Variants in DIPK2B observed in about 807,000 individuals in gnomAD.
DIPK2B encodes the protein UPF0672 protein CXorf36.
Under a neutral mutation model 22.2 loss-of-function variants are expected in DIPK2B, and 15 were observed. That is an observed-to-expected ratio of 0.68 (90% CI 0.45 to 1.04). The LOEUF is 1.04. Among genes scored for constraint, DIPK2B ranks in the 50% least tolerant of loss-of-function variants. DIPK2B has a pLI of 0.00. For synonymous variants in DIPK2B, 163 were observed against 153.2 expected (o/e 1.06, Z -0.47); for missense variants, 345 against 348.3 (o/e 0.99, Z 0.08).
intron 2 of DIPK2B, among the ~76,000 whole-genome samples, chrX:45,160,766 T>C (rs1301414599): frequency 8.9e-6 from 1 of 111,884 alleles, no homozygotes; most frequent in Non-Finnish European, 1.9e-5. Context: ...GGAATTTTGA[T>C]TTTATCTAGA....
chrX:45,151,775 G>T lies in DIPK2B; in HGVS notation c.1179C>A (p.Ile393=), dbSNP rs749891946. 8.3e-7 allele frequency: 1 copy of T among 1,210,383 alleles called. No individual in the cohort carries two copies. Among genetic ancestry groups the T allele is most frequent in the African/African-American group, 1.7e-5 (1 of 57,370 alleles). ...DSILVQCGDS[I]RPDPEVLGAA... is the part of the protein sequence containing the mutation. ...CCCCAAGGACTTCTGGGTCTGGGCGGATGCTGTCCCCACACTGAACAAGGA... is the reference window on the plus strand; with the variant it reads ...CCCCAAGGACTTCTGGGTCTGGGCGTATGCTGTCCCCACACTGAACAAGGA... The change falls in exon 5 of 5, where the codon ATC becomes ATA. Residue 393 remains isoleucine (I), a synonymous_variant. Transcript: ENST00000398000.
chrX:45,170,051 C>T (rs2047070998), intron 2 of DIPK2B, among the ~76,000 whole-genome samples: 1 of 109,688 alleles, frequency 9.1e-6, no homozygotes, highest in African/African-American at 3.3e-5. Context: ...TGAAACCAGC[C>T]TGGTCAACAT....
At chrX:45,200,256 T>C (rs757239661) in intron 1 of DIPK2B, among the ~76,000 whole-genome samples, 1 of 111,535 alleles carries the variant, frequency 9.0e-6, no homozygotes, top group South Asian at 3.8e-4. Context: ...TTAAAATAGG[T>C]GTCACATTGT....
intron 3 of DIPK2B, among the ~76,000 whole-genome samples, chrX:45,154,901 C>G (rs762272319): frequency 1.8e-5 from 2 of 111,273 alleles, no homozygotes; most frequent in Admixed American, 9.6e-5. Flanking sequence ...CCTCAAACTC[C>G]TATGCTCAAG....
At chrX:45,169,254 TA>T (rs1395698377) in intron 2 of DIPK2B, among the ~76,000 whole-genome samples, 3 of 111,853 alleles carry the variant, frequency 2.7e-5, no homozygotes, top group Non-Finnish European at 5.6e-5. Flanking sequence ...CAGTGTCTGG[TA>T]CATGGGAAGG....
intron 3 of DIPK2B, 115 bp downstream of exon 3, chrX:45,157,600 A>G: frequency 1.3e-6 from 1 of 781,666 alleles, no homozygotes; most frequent in Non-Finnish European, 1.8e-6. Flanking sequence ...AGGTCCTAAC[A>G]CGGGCTAGTG....
intron 4 of DIPK2B, 98 bp downstream of exon 4, chrX:45,153,812 G>A (rs2046974744): frequency 2.8e-6 from 2 of 704,151 alleles, no homozygotes; most frequent in East Asian, 3.5e-5. Context: ...TGCAGAGATG[G>A]GAAAGGCCCA....
At chrX:45,185,855 T>C (rs1432657405) in intron 2 of DIPK2B, among the ~76,000 whole-genome samples, 3 of 110,271 alleles carry the variant, frequency 2.7e-5, no homozygotes, top group African/African-American at 9.9e-5. Flanking sequence ...AGTTTCACCA[T>C]GTTAGCCAGG....
chrX:45,163,181 GA>G, intron 2 of DIPK2B: 1 of 202,959 alleles, frequency 4.9e-6, no homozygotes, highest in Non-Finnish European at 7.4e-6. Context: ...AACAAAAACA[GA>G]TTTTTTTAAG....
At chrX:45,152,019 C>A in intron 4 of DIPK2B, 27 bp from the exon 5 acceptor site, 10 of 1,118,881 alleles carry the variant, frequency 8.9e-6, no homozygotes, top group Non-Finnish European at 1.2e-5. Context: ...AAGTATTACA[C>A]ACCCTGCCAC....
intron 2 of DIPK2B, among the ~76,000 whole-genome samples, chrX:45,179,183 T>C (rs1052765563): frequency 9.0e-5 from 10 of 110,840 alleles, no homozygotes; most frequent in Non-Finnish European, 1.9e-4. Context: ...CCAGCCTCCT[T>C]CCCCCAACAA....
At chrX:45,176,197 C>A (rs2047117224) in intron 2 of DIPK2B, among the ~76,000 whole-genome samples, 1 of 110,874 alleles carries the variant, frequency 9.0e-6, no homozygotes, top group African/African-American at 3.3e-5. Context: ...GGGCTATGGA[C>A]AGGACCTCAG....
chrX:45,163,980 G>A (rs2148336907), intron 2 of DIPK2B: 4 of 959,564 alleles, frequency 4.2e-6, no homozygotes, highest in South Asian at 1.0e-4. Context: ...CTTTGGAGTT[G>A]TCATCAGAGA....
At chrX:45,192,513 C>T (rs779926801) in intron 1 of DIPK2B, among the ~76,000 whole-genome samples, 9 of 111,208 alleles carry the variant, frequency 8.1e-5, no homozygotes, top group African/African-American at 2.9e-4. Context: ...AACTGCTTAC[C>T]CTCTGACCAA....
At chrX:45,192,087 A>G (rs773658234) in intron 1 of DIPK2B, 72 bp from the exon 2 acceptor site, 1 of 990,273 alleles carries the variant, frequency 1.0e-6, no homozygotes, top group African/African-American at 1.9e-5. Flanking sequence ...ACAGGAAGAC[A>G]GGGGACAATA....
Position 45,164,125 on chromosome X carries a change from A to G in DIPK2B, c.499-6237T>C, listed in dbSNP as rs1241179290. 1.2e-5 allele frequency: 14 copies of G among 1,137,400 alleles called. 1 individual carries two copies. Among genetic ancestry groups the G allele is most frequent in the Non-Finnish European group, 1.6e-5 (14 of 856,328 alleles). The allele number at this position is 1,137,400 out of a possible 1,213,427, so 93.7% of individuals were successfully genotyped here. A position where few individuals can be genotyped will look rare whatever the true frequency, so the allele number is the denominator to read the frequency against. On this transcript the variant is annotated intron_variant, in intron 2 of 4. Transcript: ENST00000398000. ...ACTATTTGAAAATGTGGTTGGTATA[A>G]CACAGTTGGGAGAAGGCTAACACTT...
rs1403062163 is a variant in DIPK2B at position 45,154,301 on chromosome X, ATCTATCTATCTATCTATCTG to A, written c.673-123_673-104del. The A allele has an allele frequency of 1.8e-3, 1,136 of 639,668 alleles. 2 individuals are homozygous for A. Among genetic ancestry groups the A allele is most frequent in the Non-Finnish European group, 2.2e-3 (971 of 439,770 alleles). 52.7% of individuals were successfully genotyped at this position (639,668 alleles called of 1,213,427 possible). ...TCCCTATCTATCTATCTATCTATCTATCTATCTATCTATCTATCTGTCTATCTATATCAATCATCTATATC... is the reference window on the plus strand; with the variant it reads ...TCCCTATCTATCTATCTATCTATCTATCTATCTATATCAATCATCTATATC... On this transcript the variant is annotated intron_variant, in intron 3 of 4. Transcript: ENST00000398000.
At chrX:45,195,783 C>T (rs1204185396) in intron 1 of DIPK2B, among the ~76,000 whole-genome samples, 1 of 112,544 alleles carries the variant, frequency 8.9e-6, no homozygotes, top group African/African-American at 3.2e-5. Context: ...AAACCACTGA[C>T]TATCCTTGGA....
intron 2 of DIPK2B, among the ~76,000 whole-genome samples, chrX:45,165,139 T>A (rs1371151026): frequency 9.0e-6 from 1 of 110,739 alleles, no homozygotes; most frequent in Non-Finnish European, 1.9e-5. Flanking sequence ...TTTAGACAGA[T>A]AACATGGGCT....
Sources: gnomAD v4.1 joint callset for allele counts (sites outside exome capture counted in the v4.1 genomes callset) on GRCh38, gnomAD v4.1.1 for gene constraint, MANE v1.5 for transcripts, NCBI Gene and HGNC (gene_info 2026-07-23, HGNC 2026-07-21) for gene names.